The following RBFOX1 variants were observed in gnomAD, a reference collection of about 807,000 sequenced individuals.
RBFOX1 encodes the protein RNA binding fox-1 homolog 1, also known as RNA binding protein fox-1 homolog 1.
In RBFOX1, 8 loss-of-function variants were observed where a neutral mutation model predicts 57.7. The observed-to-expected ratio is 0.14, with a 90% CI of 0.08 to 0.25. The LOEUF is 0.25. RBFOX1 is among the 10% of genes least tolerant of loss of function. RBFOX1 has a pLI of 1.00. For synonymous variants in RBFOX1, 326 were observed against 222.4 expected (o/e 1.47, Z -4.15); for missense variants, 611 against 548.5 (o/e 1.11, Z -1.14).
At chr16:5,401,983 G>A (rs2066730144) in intron 1 of RBFOX1, among the ~76,000 whole-genome samples, 1 of 152,010 alleles carries the variant, frequency 6.6e-6, no homozygotes, top group African/African-American at 2.4e-5. Context: ...GACACACAAT[G>A]AAACTGGATA....
At chr16:6,381,163 C>G (rs371124751) in intron 2 of RBFOX1, among the ~76,000 whole-genome samples, 1 of 152,124 alleles carries the variant, frequency 6.6e-6, no homozygotes, top group Non-Finnish European at 1.5e-5. Context: ...ATCCTAGAGA[C>G]ATTTTCATTT....
At chr16:7,122,223 C>A (rs1379435381) in intron 4 of RBFOX1, among the ~76,000 whole-genome samples, 1 of 152,022 alleles carries the variant, frequency 6.6e-6, no homozygotes, top group Non-Finnish European at 1.5e-5. Context: ...ATACAAGAAT[C>A]TGTAAAGAAA....
intron 4 of RBFOX1, among the ~76,000 whole-genome samples, chr16:7,487,716 GAC>G (rs1209130245): frequency 1.3e-5 from 2 of 152,054 alleles, no homozygotes; most frequent in South Asian, 2.1e-4. Flanking sequence ...TCTCCATGCA[GAC>G]ACATTCTCTG....
chr16:6,233,781 A>G (rs2097484082), intron 1 of RBFOX1, among the ~76,000 whole-genome samples: 1 of 151,600 alleles, frequency 6.6e-6, no homozygotes, highest in Admixed American at 6.6e-5. Flanking sequence ...TCCCAACTTT[A>G]TTTTTTTTCC....
intron 3 of RBFOX1, chr16:6,722,014 A>C (rs1416721743): frequency 6.6e-6 from 1 of 152,368 alleles, no homozygotes; most frequent in African/African-American, 2.4e-5. Context: ...TTTCCTTCCT[A>C]TTTAAGGTTA....
chr16:7,609,616 C>G (rs1205722265), intron 10 of RBFOX1, among the ~76,000 whole-genome samples: 2 of 152,108 alleles, frequency 1.3e-5, no homozygotes, highest in African/African-American at 2.4e-5. Context: ...CAGCACTGTT[C>G]TAAGCACTGT....
At chr16:6,830,578 GA>G (rs1330407650) in intron 3 of RBFOX1, among the ~76,000 whole-genome samples, 1 of 152,144 alleles carries the variant, frequency 6.6e-6, no homozygotes, top group Non-Finnish European at 1.5e-5. Flanking sequence ...ATGGGGTGGG[GA>G]AATTGATGTT....
At chr16:5,418,233 T>G (rs1298559142) in intron 1 of RBFOX1, among the ~76,000 whole-genome samples, 1 of 152,086 alleles carries the variant, frequency 6.6e-6, no homozygotes, top group Admixed American at 6.6e-5. Context: ...GCAAGCATAT[T>G]AGAGTGTTAG....
At chr16:6,991,651 C>G (rs1027296142) in intron 3 of RBFOX1, among the ~76,000 whole-genome samples, 4 of 152,108 alleles carry the variant, frequency 2.6e-5, no homozygotes, top group Non-Finnish European at 5.9e-5. Flanking sequence ...ATCCTCCTAC[C>G]TCAGCTGTCC....
intron 3 of RBFOX1, among the ~76,000 whole-genome samples, chr16:5,757,505 C>T (rs1353717458): frequency 6.6e-6 from 1 of 152,110 alleles, no homozygotes; most frequent in Non-Finnish European, 1.5e-5. Flanking sequence ...GCTGGGATTA[C>T]AGGCATGAGT....
intron 2 of RBFOX1, among the ~76,000 whole-genome samples, chr16:5,548,747 C>G (rs1444188650): frequency 1.3e-5 from 2 of 152,072 alleles, no homozygotes; most frequent in Non-Finnish European, 2.9e-5. Context: ...GATGAGAGTT[C>G]ATGGATGTAT....
At chr16:5,323,719 T>C (rs2064479563) in intron 1 of RBFOX1, among the ~76,000 whole-genome samples, 1 of 152,246 alleles carries the variant, frequency 6.6e-6, no homozygotes, top group South Asian at 2.1e-4. Flanking sequence ...AGCTCTGGCA[T>C]TTCTTGAATT....
intron 2 of RBFOX1, among the ~76,000 whole-genome samples, chr16:6,561,609 A>T (rs141130889): frequency 1.3e-5 from 2 of 152,122 alleles, no homozygotes; most frequent in African/African-American, 4.8e-5. Flanking sequence ...TTAGGAGGAA[A>T]ATTCAATTCA....
chr16:7,517,241 G>T (rs1016598097), intron 4 of RBFOX1, among the ~76,000 whole-genome samples: 4 of 150,756 alleles, frequency 2.7e-5, no homozygotes, highest in African/African-American at 9.8e-5. Context: ...TTCCTGAAAT[G>T]GAAGCATTTG....
At chr16:7,412,859 G>A (rs1452647785) in intron 4 of RBFOX1, among the ~76,000 whole-genome samples, 1 of 152,030 alleles carries the variant, frequency 6.6e-6, no homozygotes, top group Non-Finnish European at 1.5e-5. Flanking sequence ...TGGCTAACAC[G>A]GTGAAACCCC....
chr16:6,937,891 A>T (rs1229137192), intron 3 of RBFOX1, among the ~76,000 whole-genome samples: 1 of 144,274 alleles, frequency 6.9e-6, no homozygotes, highest in Non-Finnish European at 1.5e-5. Context: ...GGAGATGGGT[A>T]TCATGAGGCA....
intron 3 of RBFOX1, among the ~76,000 whole-genome samples, chr16:6,773,185 T>TGG (rs2078684416): frequency 7.0e-6 from 1 of 142,432 alleles, no homozygotes; most frequent in African/African-American, 2.7e-5. Context: ...TGTGTGTGTG[T>TGG]GGGCATGGGG....
chr16:6,901,508 C>T lies in RBFOX1; in HGVS notation c.-15-150549C>T, dbSNP rs938876572. On this transcript the variant is annotated intron_variant, in intron 3 of 15. Coordinates refer to ENST00000550418, the MANE Select transcript of RBFOX1 (RefSeq NM_018723.4). ...GCCCATGACTCTCGACCTGGAATGA[C>T]AGCAAGTTCATGTCTAGTTAAGCAA... Among the ~76,000 whole-genome samples, 9 of 152,152 alleles carry T rather than the reference C, an allele frequency of 5.9e-5. No homozygotes were observed. The South Asian group carries it at 1.5e-3, about 25-fold the overall frequency.
intron 4 of RBFOX1, among the ~76,000 whole-genome samples, chr16:7,072,287 C>A (rs528497308): frequency 7.2e-5 from 11 of 152,304 alleles, no homozygotes; most frequent in African/African-American, 2.4e-4. Context: ...TAATGCTACT[C>A]TTATTCTTCA....
Sources: allele counts gnomAD v4.1 joint callset (sites outside exome capture counted in the v4.1 genomes callset), GRCh38; gene constraint gnomAD v4.1.1; transcripts MANE v1.5; gene names NCBI Gene and HGNC (gene_info 2026-07-23, HGNC 2026-07-21).